LRFN2: variants seen among roughly 807,000 people sequenced by gnomAD.
The protein encoded by LRFN2 is leucine-rich repeat and fibronectin type-III domain-containing protein 2.
In LRFN2, 18 loss-of-function variants were observed where a neutral mutation model predicts 37.3. That is an observed-to-expected ratio of 0.48 (90% CI 0.33 to 0.72). The LOEUF (loss-of-function observed/expected upper bound fraction) is 0.72, where lower values mean the gene tolerates loss of function less well. LRFN2 is among the 30% of genes least tolerant of loss of function. The pLI is 0.02. For synonymous variants in LRFN2, 556 were observed against 466.6 expected (o/e 1.19, Z -2.47); for missense variants, 1,006 against 1,060.7 (o/e 0.95, Z 0.72).
At chr6:40,425,996 G>T (rs891831022) in intron 2 of LRFN2, among the ~76,000 whole-genome samples, 4 of 152,168 alleles carry the variant, frequency 2.6e-5, no homozygotes, top group African/African-American at 9.7e-5. Context: ...AAACCTCGAG[G>T]TGGGTCACTG....
chr6:40,440,721 C>T (rs1288694751), intron 1 of LRFN2, among the ~76,000 whole-genome samples: 1 of 152,154 alleles, frequency 6.6e-6, no homozygotes, highest in African/African-American at 2.4e-5. Flanking sequence ...GGTGGGATAA[C>T]TCCAAGGTAC....
At chr6:40,550,259 T>C (rs1581790584) in intron 1 of LRFN2, among the ~76,000 whole-genome samples, 1 of 152,122 alleles carries the variant, frequency 6.6e-6, no homozygotes, top group African/African-American at 2.4e-5. Context: ...AGCAGCTCTG[T>C]TGCTAGGAGA....
chr6:40,479,846 G>C (rs780710718), intron 1 of LRFN2, among the ~76,000 whole-genome samples: 1 of 152,210 alleles, frequency 6.6e-6, no homozygotes, highest in Non-Finnish European at 1.5e-5. Context: ...TCTCCAGCAC[G>C]CAAGGCCCTG....
At chr6:40,554,437 T>C (rs7775867) in intron 1 of LRFN2, among the ~76,000 whole-genome samples, 66,933 of 151,840 alleles carry the variant, frequency 0.44, 15,976 homozygotes, top group African/African-American at 0.63. Context: ...ATGATGGGTG[T>C]AGGGGTGAAT....
At chr6:40,583,225 A>G (rs554490212) in intron 1 of LRFN2, among the ~76,000 whole-genome samples, 1 of 150,596 alleles carries the variant, frequency 6.6e-6, no homozygotes, top group Admixed American at 6.6e-5. Flanking sequence ...ATATACATAT[A>G]TAGTATATAT....
chr6:40,429,370 C>T (rs1450388706), intron 2 of LRFN2, among the ~76,000 whole-genome samples: 3 of 152,198 alleles, frequency 2.0e-5, no homozygotes, highest in Admixed American at 6.5e-5. Flanking sequence ...TCACGAACTG[C>T]GTTTCCCTGT....
intron 1 of LRFN2, among the ~76,000 whole-genome samples, chr6:40,495,488 G>T (rs1466520423): frequency 6.6e-6 from 1 of 152,070 alleles, no homozygotes; most frequent in African/African-American, 2.4e-5. Context: ...ACTTTTCCAT[G>T]AAACAGGCAT....
chr6:40,562,440 G>A (rs758506514), intron 1 of LRFN2, among the ~76,000 whole-genome samples: 296 of 152,140 alleles, frequency 1.9e-3, no homozygotes, highest in Admixed American at 3.8e-3. Context: ...TACAGGGGGA[G>A]GGCAGGGCAG....
chr6:40,483,811 T>C (rs1461983113), intron 1 of LRFN2, among the ~76,000 whole-genome samples: 2 of 152,132 alleles, frequency 1.3e-5, no homozygotes, highest in Non-Finnish European at 2.9e-5. Flanking sequence ...TGAGACAGGT[T>C]CTGACATTAT....
intron 1 of LRFN2, among the ~76,000 whole-genome samples, chr6:40,439,961 T>C (rs933372480): frequency 1.3e-5 from 2 of 152,054 alleles, no homozygotes; most frequent in Non-Finnish European, 2.9e-5. Context: ...CCTCCTGCTC[T>C]CAGAAGGTTC....
chr6:40,513,154 C>T (rs888513344), intron 1 of LRFN2, among the ~76,000 whole-genome samples: 8 of 151,942 alleles, frequency 5.3e-5, no homozygotes, highest in African/African-American at 1.2e-4. Flanking sequence ...TCTGCAAGCT[C>T]GAGTGTTCAA....
chr6:40,401,222 C>G (rs991245511), intron 2 of LRFN2, among the ~76,000 whole-genome samples: 1 of 152,194 alleles, frequency 6.6e-6, no homozygotes, highest in African/African-American at 2.4e-5. Flanking sequence ...CACTCTCCCC[C>G]TCTCTCATGG....
chr6:40,523,389 A>G (rs553784271), intron 1 of LRFN2, among the ~76,000 whole-genome samples: 3 of 152,196 alleles, frequency 2.0e-5, no homozygotes, highest in African/African-American at 7.2e-5. Flanking sequence ...ACCATGCCCT[A>G]ACCATGGGCC....
chr6:40,496,964 A>G (rs1173552758), intron 1 of LRFN2, among the ~76,000 whole-genome samples: 1 of 152,028 alleles, frequency 6.6e-6, no homozygotes, highest in African/African-American at 2.4e-5. Flanking sequence ...TCTATAATGT[A>G]AGGGTTCTCA....
At chr6:40,519,581 C>G (rs376308808) in intron 1 of LRFN2, among the ~76,000 whole-genome samples, 1 of 152,138 alleles carries the variant, frequency 6.6e-6, no homozygotes, top group African/African-American at 2.4e-5. Flanking sequence ...TATGCGTGGC[C>G]CAGCCTGCTG....
At chr6:40,513,635 G>A (rs6914949) in intron 1 of LRFN2, among the ~76,000 whole-genome samples, 85,878 of 151,946 alleles carry the variant, frequency 0.57, 24,722 homozygotes, top group Middle Eastern at 0.66. Flanking sequence ...TTCCGGAGGC[G>A]GGCGACAGAC....
chr6:40,499,113 C>CAAAGTCAGA (rs1410384337), intron 1 of LRFN2, among the ~76,000 whole-genome samples: 2 of 152,208 alleles, frequency 1.3e-5, no homozygotes, highest in Admixed American at 6.5e-5. Flanking sequence ...CTTTAAAGTT[C>CAAAGTCAGA]AAAGTCAGAG....
At chr6:40,520,707 G>C (rs991114617) in intron 1 of LRFN2, among the ~76,000 whole-genome samples, 1 of 152,156 alleles carries the variant, frequency 6.6e-6, no homozygotes, top group Non-Finnish European at 1.5e-5. Context: ...GCTGGTGCAG[G>C]CTGCAGTAGG....
At chr6:40,401,313 G>T (rs1263480891) in intron 2 of LRFN2, among the ~76,000 whole-genome samples, 2 of 152,244 alleles carry the variant, frequency 1.3e-5, no homozygotes, top group South Asian at 2.1e-4. Flanking sequence ...GGGATGTGGA[G>T]GATGTCATCT....
Sources: gnomAD v4.1 joint callset for allele counts (sites outside exome capture counted in the v4.1 genomes callset) on GRCh38, gnomAD v4.1.1 for gene constraint, MANE v1.5 for transcripts, NCBI Gene and HGNC (gene_info 2026-07-23, HGNC 2026-07-21) for gene names.